Variants in CA10 observed in about 807,000 individuals in gnomAD.
The protein encoded by CA10 is carbonic anhydrase 10 (inactive), also known as carbonic anhydrase-related protein 10.
In CA10, 14 loss-of-function variants were observed where a neutral mutation model predicts 44.2. The observed-to-expected ratio is 0.32, with a 90% confidence interval of 0.21 to 0.50. The LOEUF (loss-of-function observed/expected upper bound fraction) is 0.50. Ranked by LOEUF, CA10 falls within the 20% of genes least tolerant of loss-of-function variation. The probability of loss-of-function intolerance (pLI) is 0.99; values close to 1 mark genes in which losing one functional copy is unlikely to be tolerated. For missense variants in CA10, 350 were observed against 409.7 expected (o/e 0.85, Z 1.26); for synonymous variants, 159 against 141.6 (o/e 1.12, Z -0.87).
chr17:52,060,393 C>T (rs1987349907), intron 2 of CA10, among the ~76,000 whole-genome samples: 1 of 151,972 alleles, frequency 6.6e-6, no homozygotes, highest in Admixed American at 6.6e-5. Context: ...AGTGGAAAAA[C>T]TCGGATATTA....
At chr17:52,073,244 T>A (rs1039492729) in intron 1 of CA10, among the ~76,000 whole-genome samples, 2 of 152,148 alleles carry the variant, frequency 1.3e-5, no homozygotes, top group African/African-American at 2.4e-5. Flanking sequence ...GGTGGGGGTT[T>A]TTTTCCAGCC....
intron 2 of CA10, among the ~76,000 whole-genome samples, chr17:51,999,869 C>T (rs373797486): frequency 6.0e-4 from 92 of 152,086 alleles, no homozygotes; most frequent in Non-Finnish European, 1.0e-3. Context: ...CCCACAATTG[C>T]GTAACATCCA....
intron 2 of CA10, among the ~76,000 whole-genome samples, chr17:51,954,086 A>G (rs931590696): frequency 6.6e-6 from 1 of 152,190 alleles, no homozygotes; most frequent in East Asian, 1.9e-4. Context: ...AGAAAGGAAA[A>G]CTGAGGTTCA....
chr17:51,948,830 A>T (rs1428302159), intron 2 of CA10, among the ~76,000 whole-genome samples: 1 of 152,140 alleles, frequency 6.6e-6, no homozygotes, highest in African/African-American at 2.4e-5. Flanking sequence ...AGTTACACAG[A>T]TGTTTGCTAA....
chr17:52,124,616 C>A lies in CA10; in HGVS notation c.61+33110G>T, dbSNP rs73355412. On this transcript the variant is annotated intron_variant, in intron 1 of 8. Coordinates refer to ENST00000451037, the MANE Select transcript of CA10 (RefSeq NM_020178.5). ...TAATTTGGCTTGTCTGACTTTCCTG[C>A]TTTTTTCTCCATGACTGCTCATTAT... Among the ~76,000 whole-genome samples the A allele has an allele frequency of 9.8e-3, 1,499 of 152,326 alleles. 27 individuals are homozygous for A. The highest frequency in any genetic ancestry group is 0.035 in the African/African-American group (1,444 of 41,574).
intron 3 of CA10, among the ~76,000 whole-genome samples, chr17:51,922,403 A>G (rs1310571382): frequency 6.6e-6 from 1 of 152,182 alleles, no homozygotes; most frequent in Non-Finnish European, 1.5e-5. Context: ...AAATGGAGGT[A>G]TACATTGTCT....
At chr17:51,769,492 G>A (rs1043551508) in intron 3 of CA10, among the ~76,000 whole-genome samples, 2 of 152,162 alleles carry the variant, frequency 1.3e-5, no homozygotes, top group Non-Finnish European at 2.9e-5. Context: ...GTATTTGGGG[G>A]TGATGGGGAG....
chr17:51,955,633 C>G (rs1983637853), intron 2 of CA10, among the ~76,000 whole-genome samples: 1 of 152,136 alleles, frequency 6.6e-6, no homozygotes, highest in African/African-American at 2.4e-5. Flanking sequence ...TGAATCACTC[C>G]CCCACCTAAG....
intron 3 of CA10, among the ~76,000 whole-genome samples, chr17:51,882,759 G>A (rs1322021934): frequency 6.6e-6 from 1 of 152,124 alleles, no homozygotes; most frequent in African/African-American, 2.4e-5. Flanking sequence ...AGTCAAGACT[G>A]GAATTTGTCA....
chr17:52,101,807 A>G (rs1174867923), intron 1 of CA10, among the ~76,000 whole-genome samples: 1 of 152,174 alleles, frequency 6.6e-6, no homozygotes, highest in Non-Finnish European at 1.5e-5. Context: ...TAGGGTATAG[A>G]TAAAATCAAC....
At chr17:51,878,906 G>GTC (rs1353617924) in intron 3 of CA10, among the ~76,000 whole-genome samples, 1 of 119,524 alleles carries the variant, frequency 8.4e-6, no homozygotes, top group Non-Finnish European at 1.7e-5. Context: ...GTGTGTGTGT[G>GTC]TGTGTGTATG....
intron 2 of CA10, among the ~76,000 whole-genome samples, chr17:52,059,847 C>T (rs1165054977): frequency 1.3e-5 from 2 of 152,136 alleles, no homozygotes; most frequent in African/African-American, 4.8e-5. Flanking sequence ...CTCTCAAACA[C>T]AAAGGTTTAC....
At chr17:52,032,596 T>C (rs1986500644) in intron 2 of CA10, among the ~76,000 whole-genome samples, 1 of 152,062 alleles carries the variant, frequency 6.6e-6, no homozygotes, top group Non-Finnish European at 1.5e-5. Context: ...TCTTTACACT[T>C]CTCTCTGGCA....
intron 2 of CA10, among the ~76,000 whole-genome samples, chr17:52,033,912 C>T (rs551835948): frequency 3.5e-4 from 54 of 152,296 alleles, no homozygotes; most frequent in African/African-American, 1.3e-3. Flanking sequence ...AGACATTATG[C>T]TAAGTGAAAC....
At chr17:52,116,161 A>C (rs1292306351) in intron 1 of CA10, among the ~76,000 whole-genome samples, 2 of 151,870 alleles carry the variant, frequency 1.3e-5, no homozygotes, top group East Asian at 3.9e-4. Context: ...TTATTCCCCC[A>C]GGCATCTTTC....
At chr17:51,850,697 G>A (rs1382967277) in intron 3 of CA10, among the ~76,000 whole-genome samples, 1 of 152,164 alleles carries the variant, frequency 6.6e-6, no homozygotes, top group African/African-American at 2.4e-5. Flanking sequence ...TGAAAGCAAG[G>A]GCCTTGCACA....
chr17:51,954,405 A>C (rs1301335768), intron 2 of CA10, among the ~76,000 whole-genome samples: 1 of 152,152 alleles, frequency 6.6e-6, no homozygotes, highest in East Asian at 1.9e-4. Flanking sequence ...ACTTCTTTGC[A>C]CTCAGCAGAT....
chr17:51,707,564 C>T (rs1915799052), intron 4 of CA10, among the ~76,000 whole-genome samples: 1 of 152,094 alleles, frequency 6.6e-6, no homozygotes, highest in South Asian at 2.1e-4. Context: ...TGCCATTATT[C>T]ATCCACTTAC....
At chr17:51,654,030 C>A (rs1231987556) in intron 4 of CA10, among the ~76,000 whole-genome samples, 1 of 152,230 alleles carries the variant, frequency 6.6e-6, no homozygotes, top group East Asian at 1.9e-4. Flanking sequence ...TCCCCTAAAG[C>A]GTGTGTAAAG....
Sources: gnomAD v4.1 joint callset for allele counts (sites outside exome capture counted in the v4.1 genomes callset) on GRCh38, gnomAD v4.1.1 for gene constraint, MANE v1.5 for transcripts, NCBI Gene and HGNC (gene_info 2026-07-23, HGNC 2026-07-21) for gene names.